Variants in WDFY4 observed in about 807,000 individuals in gnomAD.
WDFY4 encodes WDFY family member 4, also known as WD repeat- and FYVE domain-containing protein 4.
In WDFY4, 169 loss-of-function variants were observed where a neutral mutation model predicts 351.9. That is an observed-to-expected ratio of 0.48 (90% CI 0.42 to 0.55). The LOEUF (loss-of-function observed/expected upper bound fraction) is 0.55, where lower values mean the gene tolerates loss of function less well. WDFY4 is among the 20% of genes least tolerant of loss of function. The probability of loss-of-function intolerance (pLI) is 0.00; values close to 1 mark genes in which losing one functional copy is unlikely to be tolerated. For synonymous variants in WDFY4, 1,622 were observed against 1,574.6 expected (o/e 1.03, Z -0.71); for missense variants, 3,803 against 3,935.6 (o/e 0.97, Z 0.90).
intron 19 of WDFY4, among the ~76,000 whole-genome samples, chr10:48,784,602 T>G (rs2066337171): frequency 7.6e-6 from 1 of 131,128 alleles, no homozygotes; most frequent in Admixed American, 9.3e-5. Context: ...AGTGAAGTGG[T>G]GCAATCTCGG....
intron 24 of WDFY4, among the ~76,000 whole-genome samples, chr10:48,802,983 C>A (rs1165024690): frequency 4.6e-5 from 7 of 152,212 alleles, no homozygotes; most frequent in African/African-American, 1.7e-4. Context: ...AATATGGACA[C>A]TTGGGCTGTG....
intron 9 of WDFY4, among the ~76,000 whole-genome samples, chr10:48,733,184 G>T (rs1204016733): frequency 6.6e-6 from 1 of 152,140 alleles, no homozygotes; most frequent in Non-Finnish European, 1.5e-5. Context: ...CCACTCCTAG[G>T]AGAAATTAAA....
At chr10:48,889,896 C>T (rs1185603298) in intron 43 of WDFY4, among the ~76,000 whole-genome samples, 1 of 152,202 alleles carries the variant, frequency 6.6e-6, no homozygotes, top group East Asian at 1.9e-4. Flanking sequence ...GCTAAGCCTT[C>T]CTACTCCACA....
Position 48,826,849 on chromosome 10 carries a change from A to G in WDFY4, c.6161A>G (p.Asn2054Ser), listed in dbSNP as rs1014998623. Residue 2054 changes from asparagine (N) to serine (S), a missense_variant, in exon 36 of 62, where the codon AAT (asparagine) becomes AGT (serine). Transcript: ENST00000325239. ...EHWDVVFATY[N>S]SNISFLLCLM... ...TGGGATGTTGTCTTTGCCACCTACA[A>G]TTCCAACATCAGCTTCCTCCTGTGT... 2.6e-5 allele frequency: 40 copies of G among 1,551,630 alleles called. No homozygotes were observed. The highest frequency in any genetic ancestry group is 4.9e-5 in the East Asian group (2 of 40,934).
chr10:48,876,716 T>G (rs1159737686), intron 42 of WDFY4, among the ~76,000 whole-genome samples: 1 of 151,998 alleles, frequency 6.6e-6, no homozygotes, highest in African/African-American at 2.4e-5. Flanking sequence ...CTCTGAGGAG[T>G]TGCTTTACTG....
In WDFY4 at chr10:48,858,156, T is replaced by C. The variant is rs551910597; in HGVS notation, c.6664-9109T>C. Among the ~76,000 whole-genome samples the C allele has an allele frequency of 1.1e-4, 16 of 152,308 alleles. No individual in the cohort carries two copies. In the South Asian group the frequency reaches 3.3e-3, roughly 32 times the overall value. The stretch of plus-strand genomic sequence containing the variant: ...ATGTTAATCCTTTGATGGATATGTG[T>C]CTTACAAATATTTTCTCTCAGAGTG... On this transcript the variant is annotated intron_variant, in intron 39 of 61. Transcript: ENST00000325239.
chr10:48,970,855 G>T (rs1842307121), intron 57 of WDFY4, among the ~76,000 whole-genome samples: 1 of 152,188 alleles, frequency 6.6e-6, no homozygotes, highest in South Asian at 2.1e-4. Context: ...GGTGGGAGGA[G>T]GAGGAGCCAT....
At chr10:48,903,799 G>A (rs1343238946) in intron 47 of WDFY4, among the ~76,000 whole-genome samples, 1 of 152,222 alleles carries the variant, frequency 6.6e-6, no homozygotes, top group African/African-American at 2.4e-5. Flanking sequence ...GTTCAAGTGA[G>A]ACATAAATTT....
At chr10:48,702,329 A>G (rs1377463211) in intron 1 of WDFY4, among the ~76,000 whole-genome samples, 2 of 152,128 alleles carry the variant, frequency 1.3e-5, no homozygotes. Flanking sequence ...CTCCTTGACC[A>G]CTTTCAAGAA....
At chr10:48,928,743 C>T (rs1189765610) in intron 47 of WDFY4, among the ~76,000 whole-genome samples, 1 of 152,218 alleles carries the variant, frequency 6.6e-6, no homozygotes, top group Non-Finnish European at 1.5e-5. Flanking sequence ...CGCAGGACAG[C>T]TCGCAGCCCT....
Position 48,731,468 on chromosome 10 carries a change from G to A in WDFY4, c.1488G>A (p.Gly496=), listed in dbSNP as rs1179680693. 1.3e-6 allele frequency: 2 copies of A among 1,551,622 alleles called. No homozygotes were observed. Among genetic ancestry groups the A allele is most frequent in the Admixed American group, 2.0e-5 (1 of 51,006 alleles). The change falls in exon 9 of 62, where the codon GGG becomes GGA. Residue 496 remains glycine (G), a synonymous_variant. Coordinates refer to ENST00000325239, the MANE Select transcript of WDFY4 (RefSeq NM_001394531.1). ...ALQSILSIAG[G]DPLFTDIFRD... ...AGAGCATCCTCAGCATCGCTGGTGG[G>A]GACCCCCTCTTCACCGACATCTTCC...
intron 25 of WDFY4, 99 bp downstream of exon 25, chr10:48,803,458 A>G: frequency 8.5e-7 from 1 of 1,176,084 alleles, no homozygotes; most frequent in East Asian, 2.6e-5. Context: ...TGCTCCCAGA[A>G]CACTGGGTCC....
chr10:48,911,011 C>T, intron 47 of WDFY4: 2 of 520,240 alleles, frequency 3.8e-6, no homozygotes, highest in African/African-American at 2.1e-5. Flanking sequence ...GGAAAGTCAT[C>T]ATGTAGCTAT....
chr10:48,716,566 G>T (rs1038969625), intron 2 of WDFY4, among the ~76,000 whole-genome samples: 1 of 152,180 alleles, frequency 6.6e-6, no homozygotes, highest in African/African-American at 2.4e-5. Context: ...TTGGCTCTGT[G>T]CATCAAACAG....
intron 27 of WDFY4, among the ~76,000 whole-genome samples, chr10:48,806,868 C>T (rs1353748391): frequency 2.0e-5 from 3 of 152,198 alleles, no homozygotes; most frequent in Admixed American, 6.5e-5. Flanking sequence ...ACTGTAGCCA[C>T]GTTTTAAGTG....
intron 2 of WDFY4, among the ~76,000 whole-genome samples, chr10:48,713,087 G>T (rs1283849166): frequency 6.6e-6 from 1 of 152,200 alleles, no homozygotes; most frequent in Non-Finnish European, 1.5e-5. Flanking sequence ...TGTCACTTCT[G>T]CTCGGAAAGG....
chr10:48,900,817 G>A (rs1837314040), intron 46 of WDFY4, among the ~76,000 whole-genome samples: 1 of 152,240 alleles, frequency 6.6e-6, no homozygotes, highest in South Asian at 2.1e-4. Flanking sequence ...ATCTAAGCCA[G>A]TGTGTAAGTT....
chr10:48,962,135 T>C (rs567901518), intron 53 of WDFY4, among the ~76,000 whole-genome samples: 2 of 152,340 alleles, frequency 1.3e-5, no homozygotes, highest in East Asian at 3.9e-4. Context: ...CACCTGGGTA[T>C]GCCTTTAGTG....
At chr10:48,866,508 C>T (rs1415405804) in intron 39 of WDFY4, among the ~76,000 whole-genome samples, 2 of 152,156 alleles carry the variant, frequency 1.3e-5, no homozygotes, top group African/African-American at 4.8e-5. Flanking sequence ...GCTTCTCATC[C>T]TTTTGAGCTA....
Sources: gnomAD v4.1 joint callset for allele counts (sites outside exome capture counted in the v4.1 genomes callset) on GRCh38, gnomAD v4.1.1 for gene constraint, MANE v1.5 for transcripts, NCBI Gene and HGNC (gene_info 2026-07-23, HGNC 2026-07-21) for gene names.